PRMT3: variants seen among roughly 807,000 people sequenced by gnomAD.
The protein encoded by PRMT3 is protein arginine N-methyltransferase 3.
A neutral mutation model predicts 71.9 loss-of-function variants in PRMT3; 62 were observed. That is an observed-to-expected ratio of 0.86 (90% confidence interval 0.70 to 1.07). The LOEUF (loss-of-function observed/expected upper bound fraction) is 1.07. PRMT3 is among the 50% of genes least tolerant of loss of function. PRMT3 has a pLI of 0.00. For missense variants in PRMT3, 663 were observed against 643.0 expected (o/e 1.03, Z -0.34); for synonymous variants, 213 against 220.4 (o/e 0.97, Z 0.30).
intron 11 of PRMT3, among the ~76,000 whole-genome samples, chr11:20,458,666 T>C (rs1413581831): frequency 3.3e-5 from 5 of 152,206 alleles, no homozygotes; most frequent in African/African-American, 9.6e-5. Flanking sequence ...TAGAACCAAA[T>C]TGACCTATAA....
chr11:20,418,372 A>G (rs1849354199), intron 9 of PRMT3, among the ~76,000 whole-genome samples: 1 of 152,198 alleles, frequency 6.6e-6, no homozygotes, highest in Non-Finnish European at 1.5e-5. Context: ...TAACAGTCTC[A>G]TGAAAGAGGT....
chr11:20,390,289 G>C (rs1848685070), intron 3 of PRMT3, among the ~76,000 whole-genome samples: 2 of 152,268 alleles, frequency 1.3e-5, no homozygotes, highest in South Asian at 2.1e-4. Flanking sequence ...CTTGAGAAAA[G>C]ATGAATAAGT....
chr11:20,476,676 TCTG>T (rs1415810890), intron 13 of PRMT3, among the ~76,000 whole-genome samples: 1 of 152,228 alleles, frequency 6.6e-6, no homozygotes, highest in Non-Finnish European at 1.5e-5. Flanking sequence ...TTACATTCTT[TCTG>T]CTGTTCATTT....
intron 3 of PRMT3, 134 bp from the exon 4 acceptor site, chr11:20,392,077 A>G (rs1306855038): frequency 2.5e-6 from 2 of 790,160 alleles, no homozygotes; most frequent in Non-Finnish European, 3.9e-6. Context: ...AATTCTTAAT[A>G]AAATTCAAAA....
At chr11:20,388,995 G>A (rs955651363) in intron 2 of PRMT3, among the ~76,000 whole-genome samples, 1 of 152,190 alleles carries the variant, frequency 6.6e-6, no homozygotes, top group Admixed American at 6.5e-5. Flanking sequence ...TAGATAGAAT[G>A]CCTGTATATA....
At chr11:20,430,631 C>T (rs1565209068) in intron 10 of PRMT3, among the ~76,000 whole-genome samples, 1 of 151,956 alleles carries the variant, frequency 6.6e-6, no homozygotes. Flanking sequence ...AGGTGTACAA[C>T]ATGATGTTTT....
chr11:20,454,280 C>G (rs1850217970), intron 11 of PRMT3, among the ~76,000 whole-genome samples: 1 of 152,014 alleles, frequency 6.6e-6, no homozygotes, highest in Non-Finnish European at 1.5e-5. Context: ...AGGGAAGATC[C>G]AAGTAACTGT....
intron 10 of PRMT3, among the ~76,000 whole-genome samples, chr11:20,443,312 G>A (rs1849950530): frequency 1.3e-5 from 2 of 152,296 alleles, no homozygotes; most frequent in African/African-American, 2.4e-5. Flanking sequence ...ATGGGTGACA[G>A]CAGATGAGAC....
At chr11:20,477,918 C>A (rs1436385474) in intron 13 of PRMT3, among the ~76,000 whole-genome samples, 3 of 151,784 alleles carry the variant, frequency 2.0e-5, no homozygotes, top group African/African-American at 7.3e-5. Context: ...TGGATTTCTC[C>A]AAATTCCAGG....
intron 9 of PRMT3, among the ~76,000 whole-genome samples, chr11:20,412,346 T>C (rs1026102620): frequency 3.3e-5 from 5 of 152,124 alleles, no homozygotes; most frequent in African/African-American, 1.2e-4. Context: ...TGCAAAAATA[T>C]GAATTTTTAA....
At chr11:20,474,338 T>G (rs922505479) in intron 13 of PRMT3, among the ~76,000 whole-genome samples, 1 of 152,122 alleles carries the variant, frequency 6.6e-6, no homozygotes, top group Non-Finnish European at 1.5e-5. Flanking sequence ...CCCTGGGAAT[T>G]TGGTGCTTCT....
intron 9 of PRMT3, among the ~76,000 whole-genome samples, chr11:20,410,993 A>G (rs1267442561): frequency 3.3e-5 from 5 of 152,152 alleles, no homozygotes; most frequent in Non-Finnish European, 5.9e-5. Context: ...CTCTTTAGCA[A>G]TACTTACAGG....
intron 8 of PRMT3, among the ~76,000 whole-genome samples, chr11:20,403,938 A>C (rs1849005875): frequency 6.6e-6 from 1 of 152,024 alleles, no homozygotes; most frequent in African/African-American, 2.4e-5. Context: ...TTTGGAATAT[A>C]ATCTGGATTG....
chr11:20,465,888 G>C (rs1224563999), intron 13 of PRMT3, among the ~76,000 whole-genome samples: 4 of 151,850 alleles, frequency 2.6e-5, no homozygotes. Context: ...TTTTTGTTTT[G>C]ATATTATTAA....
At chr11:20,501,655 G>A (rs72936045) in intron 15 of PRMT3, among the ~76,000 whole-genome samples, 4,691 of 152,166 alleles carry the variant, frequency 0.031, 114 homozygotes, top group Non-Finnish European at 0.045. Flanking sequence ...GTGTCCAGAA[G>A]GTAATATGAC....
intron 15 of PRMT3, among the ~76,000 whole-genome samples, chr11:20,504,688 A>G (rs10766681): frequency 0.66 from 76,034 of 115,364 alleles, 21,428 homozygotes; most frequent in Middle Eastern, 0.76. Flanking sequence ...CAAGTATTGT[A>G]TGTGTGTGTG....
intron 8 of PRMT3, among the ~76,000 whole-genome samples, chr11:20,403,815 G>T (rs967428553): frequency 4.6e-5 from 7 of 152,040 alleles, no homozygotes; most frequent in African/African-American, 1.7e-4. Flanking sequence ...TAATGTATCA[G>T]GTTGTTATAA....
intron 10 of PRMT3, among the ~76,000 whole-genome samples, chr11:20,449,502 G>A (rs1272382204): frequency 6.6e-6 from 1 of 152,068 alleles, no homozygotes; most frequent in Non-Finnish European, 1.5e-5. Context: ...ATCAAGGTTC[G>A]AATTCTGTCT....
chr11:20,417,757 TTCTC>T (rs893627525), intron 9 of PRMT3, among the ~76,000 whole-genome samples: 15 of 106,124 alleles, frequency 1.4e-4, no homozygotes, highest in African/African-American at 3.1e-4. Flanking sequence ...TTAAATTTGC[TTCTC>T]TCTCTCTCTC....
Sources: gnomAD v4.1 joint callset for allele counts (sites outside exome capture counted in the v4.1 genomes callset) on GRCh38, gnomAD v4.1.1 for gene constraint, MANE v1.5 for transcripts, NCBI Gene and HGNC (gene_info 2026-07-23, HGNC 2026-07-21) for gene names.